The following EPHA3 variants were observed in gnomAD, a reference collection of about 807,000 sequenced individuals.
EPHA3 encodes ephrin type-A receptor 3.
Under a neutral mutation model 107.1 loss-of-function variants are expected in EPHA3, and 42 were observed. That is an observed-to-expected ratio of 0.39 (90% CI 0.31 to 0.51). The LOEUF (loss-of-function observed/expected upper bound fraction) is 0.51. EPHA3 is among the 20% of genes least tolerant of loss of function. The pLI, the probability that EPHA3 is intolerant of heterozygous loss-of-function variation, is 0.78. For synonymous variants in EPHA3, 461 were observed against 424.8 expected, an observed-to-expected ratio of 1.09 and a Z score of -1.05; for missense variants, 1,183 against 1,211.2, an observed-to-expected ratio of 0.98 and a Z score of 0.35.
intron 7 of EPHA3, among the ~76,000 whole-genome samples, chr3:89,403,094 G>A (rs1168870967): frequency 1.3e-5 from 2 of 152,106 alleles, no homozygotes; most frequent in African/African-American, 4.8e-5. Context: ...AACTTTATAG[G>A]GAAGAGATGG....
intron 3 of EPHA3, among the ~76,000 whole-genome samples, chr3:89,263,007 C>A (rs1479460936): frequency 1.8e-5 from 2 of 113,374 alleles, no homozygotes; most frequent in South Asian, 2.9e-4. Flanking sequence ...ACTTTAAGTT[C>A]TCGGATACAT....
intron 10 of EPHA3, among the ~76,000 whole-genome samples, 179 bp downstream of exon 10, chr3:89,413,445 C>T (rs1328392260): frequency 2.6e-5 from 4 of 151,698 alleles, no homozygotes; most frequent in South Asian, 2.1e-4. Flanking sequence ...CCAGACTTAC[C>T]GGCTCACAGA....
At chr3:89,128,633 A>G (rs1576168868) in intron 2 of EPHA3, among the ~76,000 whole-genome samples, 1 of 151,042 alleles carries the variant, frequency 6.6e-6, no homozygotes, top group Non-Finnish European at 1.5e-5. Context: ...TTTAGTAACT[A>G]TATATTAGTA....
intron 5 of EPHA3, among the ~76,000 whole-genome samples, chr3:89,380,494 T>G (rs1423548179): frequency 6.6e-6 from 1 of 152,212 alleles, no homozygotes; most frequent in Non-Finnish European, 1.5e-5. Context: ...AACTCTGGTC[T>G]GGTGTAACAA....
Position 89,434,596 on chromosome 3 carries a change from C to A in EPHA3, c.2346+3237C>A, listed in dbSNP as rs190195708. On this transcript the variant is annotated intron_variant, in intron 13 of 16. Coordinates refer to ENST00000336596, the MANE Select transcript of EPHA3 (RefSeq NM_005233.6). Reference sequence around the variant, plus strand: ...GCCAGGATACTCAAAAGAATAGTTTCTCTGGCAGGAATTGGAAACATTTGT... The same window carrying A: ...GCCAGGATACTCAAAAGAATAGTTTATCTGGCAGGAATTGGAAACATTTGT... Among the ~76,000 whole-genome samples the A allele has an allele frequency of 3.1e-3, 473 of 152,262 alleles. 7 individuals carry two copies. The highest frequency in any genetic ancestry group is 0.025 in the Admixed American group (388 of 15,288).
intron 3 of EPHA3, among the ~76,000 whole-genome samples, chr3:89,284,616 A>C (rs796143972): frequency 2.2e-4 from 33 of 152,324 alleles, no homozygotes; most frequent in African/African-American, 7.7e-4. Flanking sequence ...AAAACAAAAT[A>C]AAATTATATT....
chr3:89,322,250 C>A (rs1436273529), intron 3 of EPHA3, among the ~76,000 whole-genome samples: 2 of 151,968 alleles, frequency 1.3e-5, no homozygotes, highest in South Asian at 2.1e-4. Flanking sequence ...CTATGATCAC[C>A]TAAAAGAGCC....
In EPHA3 at chr3:89,421,473, C is replaced by T. The variant is rs1055676718; in HGVS notation, c.2074+2083C>T. Reference sequence around the variant, plus strand: ...TGCATTTAAATAACTACTTCTATCACCCAGAGAGTGATGAAAAAAAATGAT... The same window carrying T: ...TGCATTTAAATAACTACTTCTATCATCCAGAGAGTGATGAAAAAAAATGAT... On this transcript the variant is annotated intron_variant, in intron 11 of 16. Transcript: ENST00000336596. 7.9e-5 allele frequency among the ~76,000 whole-genome samples: 12 copies of T among 150,958 alleles called. No individual in the cohort carries two copies. The East Asian group carries it at 9.7e-4, about 12-fold the overall frequency.
intron 2 of EPHA3, among the ~76,000 whole-genome samples, chr3:89,161,593 G>T (rs1704943541): frequency 6.6e-6 from 1 of 151,830 alleles, no homozygotes; most frequent in African/African-American, 2.4e-5. Flanking sequence ...TTTACTGACG[G>T]GCAGTCATTC....
intron 15 of EPHA3, among the ~76,000 whole-genome samples, chr3:89,456,869 T>C (rs1211191740): frequency 6.6e-6 from 1 of 152,192 alleles, no homozygotes; most frequent in Non-Finnish European, 1.5e-5. Context: ...ACAATAACCG[T>C]GTGTGAGACA....
chr3:89,419,647 G>A (rs1427313894), intron 11 of EPHA3, among the ~76,000 whole-genome samples: 2 of 151,338 alleles, frequency 1.3e-5, no homozygotes, highest in Non-Finnish European at 3.0e-5. Context: ...TTAAAGGTAC[G>A]CTGATTAGCA....
intron 3 of EPHA3, among the ~76,000 whole-genome samples, chr3:89,290,433 A>G (rs1372117204): frequency 6.6e-6 from 1 of 152,164 alleles, no homozygotes. Flanking sequence ...CATGTAGCAT[A>G]CATCATATGG....
At chr3:89,415,175 C>T (rs1175462150) in intron 10 of EPHA3, among the ~76,000 whole-genome samples, 1 of 151,182 alleles carries the variant, frequency 6.6e-6, no homozygotes, top group African/African-American at 2.4e-5. Context: ...ATTTGTTAAA[C>T]ATTTTGTTTT....
intron 15 of EPHA3, among the ~76,000 whole-genome samples, chr3:89,453,775 G>C (rs1164072656): frequency 6.6e-6 from 1 of 151,916 alleles, no homozygotes; most frequent in Non-Finnish European, 1.5e-5. Flanking sequence ...TTTTAGTGAT[G>C]TCCTTGCCAA....
At chr3:89,432,689 A>C (rs1392590311) in intron 13 of EPHA3, among the ~76,000 whole-genome samples, 1 of 152,188 alleles carries the variant, frequency 6.6e-6, no homozygotes, top group African/African-American at 2.4e-5. Context: ...CATAATTATT[A>C]GCATTTTAAA....
At chr3:89,385,231 G>A (rs973493730) in intron 5 of EPHA3, among the ~76,000 whole-genome samples, 1 of 152,074 alleles carries the variant, frequency 6.6e-6, no homozygotes, top group African/African-American at 2.4e-5. Flanking sequence ...AGCTTCAAGT[G>A]GACAATAAGA....
intron 3 of EPHA3, among the ~76,000 whole-genome samples, chr3:89,229,002 G>T (rs1216242933): frequency 6.6e-6 from 1 of 151,972 alleles, no homozygotes; most frequent in African/African-American, 2.4e-5. Context: ...AAGCTCTTAA[G>T]CTAGTTCTCC....
intron 13 of EPHA3, among the ~76,000 whole-genome samples, chr3:89,437,867 T>A (rs1709705074): frequency 6.6e-6 from 1 of 152,160 alleles, no homozygotes; most frequent in South Asian, 2.1e-4. Flanking sequence ...ATAAACTGAG[T>A]TGGAAAGTTT....
At chr3:89,389,026 G>A (rs530986608) in intron 5 of EPHA3, among the ~76,000 whole-genome samples, 4 of 152,174 alleles carry the variant, frequency 2.6e-5, no homozygotes, top group Admixed American at 1.3e-4. Context: ...AAGTAGAAAA[G>A]TGATCAGTTT....
Sources: gnomAD v4.1 joint callset for allele counts (sites outside exome capture counted in the v4.1 genomes callset) on GRCh38, gnomAD v4.1.1 for gene constraint, MANE v1.5 for transcripts, NCBI Gene and HGNC (gene_info 2026-07-23, HGNC 2026-07-21) for gene names.